Variants in CNTNAP2 observed in about 807,000 individuals in gnomAD.
The protein encoded by CNTNAP2 is contactin-associated protein-like 2.
A neutral mutation model predicts 155.2 loss-of-function variants in CNTNAP2; 98 were observed. The ratio of observed to expected loss-of-function variants is 0.63; its 90% CI spans 0.54 to 0.75. The LOEUF is 0.75. Among genes scored for constraint, CNTNAP2 ranks in the 30% least tolerant of loss-of-function variants. The pLI, the probability that CNTNAP2 is intolerant of heterozygous loss-of-function variation, is 0.00. For synonymous variants in CNTNAP2, 651 were observed against 631.2 expected, an observed-to-expected ratio of 1.03 and a Z score of -0.47; for missense variants, 1,727 against 1,688.1, an observed-to-expected ratio of 1.02 and a Z score of -0.40.
intron 23 of CNTNAP2, among the ~76,000 whole-genome samples, chr7:148,413,401 A>AAAAAAAAAAAT (rs1442990213): frequency 6.6e-5 from 3 of 45,368 alleles, no homozygotes; most frequent in African/African-American, 1.3e-4. Context: ...TCAAAAAAAA[A>AAAAAAAAAAAT]ATATATATAT....
At chr7:147,689,418 G>T (rs1796058393) in intron 13 of CNTNAP2, among the ~76,000 whole-genome samples, 1 of 151,922 alleles carries the variant, frequency 6.6e-6, no homozygotes, top group Non-Finnish European at 1.5e-5. Flanking sequence ...CAAAGTGCTG[G>T]GATTACAGGC....
intron 23 of CNTNAP2, among the ~76,000 whole-genome samples, chr7:148,413,401 A>AAAAATAAATAT (rs1442990213): frequency 1.3e-4 from 6 of 45,362 alleles, no homozygotes; most frequent in African/African-American, 7.6e-4. Context: ...TCAAAAAAAA[A>AAAAATAAATAT]ATATATATAT....
intron 1 of CNTNAP2, among the ~76,000 whole-genome samples, chr7:146,239,170 A>G (rs1799520930): frequency 6.6e-6 from 1 of 152,180 alleles, no homozygotes; most frequent in Non-Finnish European, 1.5e-5. Context: ...ATGCTGGAAT[A>G]TAGGTAATTT....
intron 3 of CNTNAP2, among the ~76,000 whole-genome samples, chr7:146,899,990 T>C (rs1795959490): frequency 6.6e-6 from 1 of 152,336 alleles, no homozygotes; most frequent in Admixed American, 6.5e-5. Flanking sequence ...TTTGAGACTA[T>C]TTTAAGTTTA....
At chr7:147,182,803 A>G (rs1020425746) in intron 8 of CNTNAP2, among the ~76,000 whole-genome samples, 6 of 152,150 alleles carry the variant, frequency 3.9e-5, no homozygotes, top group African/African-American at 7.2e-5. Context: ...TCTATATCAT[A>G]TAATGGGAAT....
At position 146,299,618 on chromosome 7, in the gene CNTNAP2, T is replaced by C. The variant is rs1257492668; in HGVS notation, c.97+182645T>C. Among the ~76,000 whole-genome samples the C allele has an allele frequency of 2.0e-5, 3 of 152,052 alleles. No individual in the cohort carries two copies. The East Asian group carries it at 5.8e-4, about 29-fold the overall frequency. ...GGTCTCACTTTGTTGTCCAGGATGG[T>C]CACCAACACTGGCCTCAAGCAGTCC... On this transcript the variant is annotated intron_variant, in intron 1 of 23. Transcript: ENST00000361727.
chr7:146,945,049 A>G (rs1414051558), intron 3 of CNTNAP2, among the ~76,000 whole-genome samples: 1 of 152,154 alleles, frequency 6.6e-6, no homozygotes, highest in Non-Finnish European at 1.5e-5. Flanking sequence ...TACTCAGTGC[A>G]CGTGATAATA....
chr7:147,537,454 CTAAAG>C (rs1799563512), intron 11 of CNTNAP2, among the ~76,000 whole-genome samples: 1 of 151,972 alleles, frequency 6.6e-6, no homozygotes, highest in Non-Finnish European at 1.5e-5. Flanking sequence ...TAATATTTTG[CTAAAG>C]TAAAGTACCT....
intron 1 of CNTNAP2, among the ~76,000 whole-genome samples, chr7:146,391,187 G>C (rs1795538327): frequency 6.7e-6 from 1 of 150,318 alleles, no homozygotes; most frequent in Non-Finnish European, 1.5e-5. Context: ...AAAAGGACAT[G>C]ACAAGTAAAT....
intron 11 of CNTNAP2, among the ~76,000 whole-genome samples, chr7:147,521,712 G>A (rs974007724): frequency 2.6e-5 from 4 of 152,160 alleles, no homozygotes; most frequent in South Asian, 2.1e-4. Flanking sequence ...GGGTCAGGGT[G>A]GGAGTAGAGG....
intron 11 of CNTNAP2, among the ~76,000 whole-genome samples, chr7:147,524,251 A>G (rs1163028764): frequency 6.6e-6 from 1 of 152,160 alleles, no homozygotes; most frequent in African/African-American, 2.4e-5. Flanking sequence ...CTAGCCGGGC[A>G]TGGTGGTGCC....
At chr7:146,631,258 C>T (rs927282481) in intron 1 of CNTNAP2, among the ~76,000 whole-genome samples, 8 of 152,016 alleles carry the variant, frequency 5.3e-5, no homozygotes, top group African/African-American at 1.4e-4. Context: ...ATGAATTTTT[C>T]GACTGCATTT....
intron 14 of CNTNAP2, among the ~76,000 whole-genome samples, chr7:147,916,909 C>T (rs1296336128): frequency 1.3e-5 from 2 of 152,176 alleles, no homozygotes; most frequent in Admixed American, 6.5e-5. Context: ...ATTAATGATG[C>T]TCGCTCACTT....
intron 11 of CNTNAP2, among the ~76,000 whole-genome samples, chr7:147,500,732 C>T (rs577820047): frequency 6.6e-6 from 1 of 152,180 alleles, no homozygotes; most frequent in Non-Finnish European, 1.5e-5. Context: ...GAAGCTTTCT[C>T]TGTGGGATAC....
rs192335770 is a variant in CNTNAP2, at chr7:147,353,205, T to C, written c.1499-42404T>C. Among the ~76,000 whole-genome samples the C allele has an allele frequency of 1.2e-3, 186 of 151,478 alleles. 1 individual carries two copies. Among genetic ancestry groups the C allele is most frequent in the African/African-American group, 4.3e-3 (175 of 41,006 alleles). The stretch of plus-strand genomic sequence containing the variant: ...GGATACATGTTCAGAACGTGCAGTT[T>C]TGTTACATAGGTATACACGTGCCAT... On this transcript the variant is annotated intron_variant, in intron 9 of 23. Coordinates refer to ENST00000361727, the MANE Select transcript of CNTNAP2 (RefSeq NM_014141.6).
intron 9 of CNTNAP2, among the ~76,000 whole-genome samples, chr7:147,372,115 G>A (rs1056337156): frequency 1.3e-5 from 2 of 152,054 alleles, no homozygotes; most frequent in African/African-American, 4.8e-5. Flanking sequence ...CTTAGAGAAA[G>A]CATAGGGCTC....
chr7:148,053,245 T>G (rs1802928575), intron 15 of CNTNAP2, among the ~76,000 whole-genome samples: 1 of 152,208 alleles, frequency 6.6e-6, no homozygotes, highest in South Asian at 2.1e-4. Flanking sequence ...TGTCAGTAAG[T>G]GCAGGGGAAC....
chr7:147,483,215 G>GA (rs1290892877), intron 10 of CNTNAP2, among the ~76,000 whole-genome samples: 3 of 112,962 alleles, frequency 2.7e-5, no homozygotes, highest in East Asian at 2.3e-4. Flanking sequence ...ATGGCAAATA[G>GA]AAAAAAATTA....
intron 4 of CNTNAP2, among the ~76,000 whole-genome samples, chr7:147,065,942 A>T (rs190985829): frequency 2.0e-5 from 3 of 152,292 alleles, no homozygotes; most frequent in Admixed American, 2.0e-4. Context: ...CATGAAGTTG[A>T]CTCATATCTT....
Sources: allele counts gnomAD v4.1 joint callset (sites outside exome capture counted in the v4.1 genomes callset), GRCh38; gene constraint gnomAD v4.1.1; transcripts MANE v1.5; gene names NCBI Gene and HGNC (gene_info 2026-07-23, HGNC 2026-07-21).